PTPRD: variants seen among roughly 807,000 people sequenced by gnomAD.
PTPRD encodes the protein receptor-type tyrosine-protein phosphatase delta.
PTPRD carries 34 observed loss-of-function variants against 214.5 expected under a neutral mutation model. The observed-to-expected ratio is 0.16, with a 90% CI of 0.12 to 0.21. PTPRD has a LOEUF of 0.21. Among genes scored for constraint, PTPRD ranks in the 10% least tolerant of loss-of-function variants. The pLI is 1.00. For missense variants in PTPRD, 2,545 were observed against 2,398.7 expected (o/e 1.06, Z -1.27); for synonymous variants, 1,128 against 845.7 (o/e 1.33, Z -5.79).
intron 14 of PTPRD, among the ~76,000 whole-genome samples, chr9:8,532,285 T>C (rs1401493257): frequency 6.6e-6 from 1 of 152,042 alleles, no homozygotes; most frequent in African/African-American, 2.4e-5. Flanking sequence ...ACTGTAGAAA[T>C]AATGAAATTT....
intron 2 of PTPRD, among the ~76,000 whole-genome samples, chr9:10,515,788 C>T (rs1282089876): frequency 7.2e-5 from 11 of 151,894 alleles, no homozygotes; most frequent in Admixed American, 7.2e-4. Flanking sequence ...CTACTCACTG[C>T]TTCTATTAGT....
intron 14 of PTPRD, among the ~76,000 whole-genome samples, chr9:8,592,597 A>C (rs1452381051): frequency 6.6e-6 from 1 of 152,146 alleles, no homozygotes; most frequent in African/African-American, 2.4e-5. Flanking sequence ...CAGTTCTTTA[A>C]AGTGTCTCAC....
intron 3 of PTPRD, among the ~76,000 whole-genome samples, chr9:10,114,545 A>G (rs370827479): frequency 3.9e-5 from 6 of 152,088 alleles, no homozygotes; most frequent in East Asian, 1.9e-4. Flanking sequence ...AAACTTATAC[A>G]TATATATGTG....
At chr9:9,566,365 A>G (rs1211893452) in intron 8 of PTPRD, among the ~76,000 whole-genome samples, 1 of 152,046 alleles carries the variant, frequency 6.6e-6, no homozygotes, top group African/African-American at 2.4e-5. Context: ...ATGAGCTTAA[A>G]TTAATTACTC....
At chr9:9,318,400 G>C (rs759646199) in intron 9 of PTPRD, among the ~76,000 whole-genome samples, 31 of 151,996 alleles carry the variant, frequency 2.0e-4, no homozygotes, top group Non-Finnish European at 3.8e-4. Context: ...GTCAAATAAA[G>C]AAGACTATAA....
At chr9:8,848,751 G>C (rs1338789673) in intron 11 of PTPRD, among the ~76,000 whole-genome samples, 1 of 151,932 alleles carries the variant, frequency 6.6e-6, no homozygotes, top group Non-Finnish European at 1.5e-5. Context: ...TAAAAGTTGG[G>C]ATGCTTGACT....
At chr9:9,326,696 A>C (rs2040071977) in intron 9 of PTPRD, among the ~76,000 whole-genome samples, 1 of 152,266 alleles carries the variant, frequency 6.6e-6, no homozygotes, top group Non-Finnish European at 1.5e-5. Context: ...ATCCTGAAAT[A>C]AACTAGAAAA....
intron 39 of PTPRD, among the ~76,000 whole-genome samples, chr9:8,350,236 G>C (rs1564171029): frequency 6.6e-6 from 1 of 152,096 alleles, no homozygotes; most frequent in African/African-American, 2.4e-5. Flanking sequence ...TTAAAAGTTG[G>C]CTTTTCTGAT....
chr9:10,198,708 T>A (rs1314898493), intron 3 of PTPRD, among the ~76,000 whole-genome samples: 9 of 152,282 alleles, frequency 5.9e-5, no homozygotes, highest in Middle Eastern at 3.4e-3. Flanking sequence ...ATCATACCTA[T>A]TCTGCAGCAG....
At chr9:9,956,074 TA>T (rs1013414882) in intron 4 of PTPRD, among the ~76,000 whole-genome samples, 1 of 152,100 alleles carries the variant, frequency 6.6e-6, no homozygotes, top group Non-Finnish European at 1.5e-5. Context: ...TGCAAGCTTT[TA>T]AAAAAATATA....
intron 39 of PTPRD, 54 bp from the exon 40 acceptor site, chr9:8,342,032 C>T (rs2132538737): frequency 6.8e-7 from 1 of 1,479,160 alleles, no homozygotes. Flanking sequence ...AAAATCAATA[C>T]ATAATAAAAG....
At chr9:8,409,789 C>A (rs185331323) in intron 35 of PTPRD, among the ~76,000 whole-genome samples, 43 of 152,254 alleles carry the variant, frequency 2.8e-4, no homozygotes, top group African/African-American at 1.0e-3. Context: ...AAAAAAAGAT[C>A]ATCCTGTTTT....
At chr9:9,846,607 C>T (rs1040807209) in intron 5 of PTPRD, among the ~76,000 whole-genome samples, 1 of 152,058 alleles carries the variant, frequency 6.6e-6, no homozygotes, top group Admixed American at 6.6e-5. Flanking sequence ...GAGTTTGCAG[C>T]TAGGTGGACT....
chr9:9,088,227 C>G (rs2099770235), intron 10 of PTPRD, among the ~76,000 whole-genome samples: 1 of 151,402 alleles, frequency 6.6e-6, no homozygotes. Context: ...TTCCCTTGAA[C>G]CTGCCAGAAA....
chr9:10,603,284 A>G (rs1451967698), intron 2 of PTPRD, among the ~76,000 whole-genome samples: 2 of 151,800 alleles, frequency 1.3e-5, no homozygotes, highest in Non-Finnish European at 2.9e-5. Flanking sequence ...TTGGGAGGAG[A>G]TACACTGGAG....
At chr9:9,910,253 C>A (rs889509215) in intron 5 of PTPRD, among the ~76,000 whole-genome samples, 3 of 151,936 alleles carry the variant, frequency 2.0e-5, no homozygotes, top group Non-Finnish European at 4.4e-5. Context: ...TTCATGCAAA[C>A]CCCTGAATTT....
At chr9:9,507,687 A>G (rs995281350) in intron 8 of PTPRD, among the ~76,000 whole-genome samples, 1 of 151,478 alleles carries the variant, frequency 6.6e-6, no homozygotes, top group Non-Finnish European at 1.5e-5. Flanking sequence ...CAATTAGGTC[A>G]TTTCTGCTGT....
chr9:9,998,124 A>G lies in PTPRD; in HGVS notation c.-472+35594T>C, dbSNP rs1026460945. Among the ~76,000 whole-genome samples the G allele has an allele frequency of 9.1e-5, 7 of 77,042 alleles. 1 individual carries two copies. The highest frequency in any genetic ancestry group is 4.9e-4 in the East Asian group (2 of 4,060). 50.5% of individuals were successfully genotyped at this position (77,042 alleles called of 152,430 possible). A position where few individuals can be genotyped will look rare whatever the true frequency, so the allele number is the denominator to read the frequency against. On this transcript the variant is annotated intron_variant, in intron 4 of 45. Transcript: ENST00000381196. ...AGAACTTAAAGTATAATAAAAAAAAAAAAAAATATATATATATATATAAAA... is the reference window on the plus strand; with the variant it reads ...AGAACTTAAAGTATAATAAAAAAAAGAAAAAATATATATATATATATAAAA...
At chr9:8,351,800 C>T (rs2075568239) in intron 39 of PTPRD, among the ~76,000 whole-genome samples, 1 of 144,840 alleles carries the variant, frequency 6.9e-6, no homozygotes, top group South Asian at 2.2e-4. Flanking sequence ...GACCCAGAGC[C>T]ATGATCACTC....
Sources: gnomAD v4.1 joint callset for allele counts (sites outside exome capture counted in the v4.1 genomes callset) on GRCh38, gnomAD v4.1.1 for gene constraint, MANE v1.5 for transcripts, NCBI Gene and HGNC (gene_info 2026-07-23, HGNC 2026-07-21) for gene names.